Variants in CDK14 observed in about 807,000 individuals in gnomAD.
CDK14 encodes cyclin dependent kinase 14.
Under a neutral mutation model 60.7 loss-of-function variants are expected in CDK14, and 34 were observed. That is an observed-to-expected ratio of 0.56 (90% CI 0.43 to 0.75). CDK14 has a LOEUF of 0.75. Among genes scored for constraint, CDK14 ranks in the 30% least tolerant of loss-of-function variants. The pLI is 0.00. For synonymous variants in CDK14, 197 were observed against 203.7 expected, an observed-to-expected ratio of 0.97 and a Z score of 0.28; for missense variants, 482 against 564.1, an observed-to-expected ratio of 0.85 and a Z score of 1.47.
At chr7:90,602,546 C>A (rs1425647141) in intron 1 of CDK14, among the ~76,000 whole-genome samples, 2 of 152,070 alleles carry the variant, frequency 1.3e-5, no homozygotes, top group African/African-American at 4.8e-5. Context: ...TTATACAGAG[C>A]CTTGTAGCCT....
chr7:90,860,976 A>T lies in CDK14; in HGVS notation c.545-2199A>T, dbSNP rs147016783. Among the ~76,000 whole-genome samples the T allele has an allele frequency of 3.3e-5, 5 of 152,280 alleles. No homozygotes were observed. In the East Asian group the frequency reaches 9.7e-4, roughly 29 times the overall value. On this transcript the variant is annotated intron_variant, in intron 5 of 14. Coordinates refer to ENST00000380050, the MANE Select transcript of CDK14 (RefSeq NM_001287135.2). ...TGGGTTTTTAGAGGAGTAGATACCCAGAGGCCCTGTGTGGAAACTGAGTTT... is the reference window on the plus strand; with the variant it reads ...TGGGTTTTTAGAGGAGTAGATACCCTGAGGCCCTGTGTGGAAACTGAGTTT...
intron 10 of CDK14, among the ~76,000 whole-genome samples, chr7:90,993,769 G>T (rs576179449): frequency 2.7e-4 from 41 of 152,260 alleles, no homozygotes; most frequent in African/African-American, 9.9e-4. Flanking sequence ...TTTTATCTGA[G>T]ACATTATTAT....
At chr7:90,989,026 G>GTGTGTGTA (rs1795459443) in intron 10 of CDK14, among the ~76,000 whole-genome samples, 1 of 151,248 alleles carries the variant, frequency 6.6e-6, no homozygotes, top group South Asian at 2.1e-4. Flanking sequence ...GTGTGTGTGT[G>GTGTGTGTA]TAATGAGCCA....
chr7:91,030,168 G>A (rs1796721977), intron 10 of CDK14, among the ~76,000 whole-genome samples: 1 of 152,016 alleles, frequency 6.6e-6, no homozygotes, highest in Admixed American at 6.6e-5. Flanking sequence ...ATATACAGTT[G>A]CAAAAACTAT....
At chr7:90,638,130 A>T (rs867700351) in intron 2 of CDK14, among the ~76,000 whole-genome samples, 1 of 151,954 alleles carries the variant, frequency 6.6e-6, no homozygotes, top group Non-Finnish European at 1.5e-5. Context: ...GTCCATTTAC[A>T]TTTAAAGTTA....
At chr7:90,918,860 C>T (rs899351844) in intron 8 of CDK14, among the ~76,000 whole-genome samples, 8 of 151,874 alleles carry the variant, frequency 5.3e-5, no homozygotes, top group African/African-American at 1.2e-4. Context: ...TTCTTTTATT[C>T]GAAAAATGAA....
At chr7:91,005,634 T>A (rs974190403) in intron 10 of CDK14, among the ~76,000 whole-genome samples, 1 of 152,198 alleles carries the variant, frequency 6.6e-6, no homozygotes, top group Non-Finnish European at 1.5e-5. Context: ...ACAGCTGAAT[T>A]CCAATTCAGT....
chr7:90,722,821 G>C (rs1456859820), intron 2 of CDK14, among the ~76,000 whole-genome samples: 2 of 152,190 alleles, frequency 1.3e-5, no homozygotes, highest in Non-Finnish European at 2.9e-5. Flanking sequence ...AAGATGGAGA[G>C]AAAGCTGTAC....
At chr7:90,632,003 G>A (rs2116404321) in intron 2 of CDK14, 1 of 148,036 alleles carries the variant, frequency 6.8e-6, no homozygotes. Context: ...TCTCAGAATA[G>A]GGGATTAAAA....
chr7:91,067,225 C>G (rs867307725), intron 11 of CDK14, among the ~76,000 whole-genome samples: 1 of 152,096 alleles, frequency 6.6e-6, no homozygotes, highest in Non-Finnish European at 1.5e-5. Context: ...GTTTTTTCAT[C>G]TAATGGAACA....
chr7:91,066,240 T>C (rs1215015456), intron 11 of CDK14, among the ~76,000 whole-genome samples: 3 of 152,250 alleles, frequency 2.0e-5, no homozygotes, highest in Non-Finnish European at 2.9e-5. Context: ...ATTTATAAAC[T>C]AATGCTTGTT....
chr7:90,795,587 G>C (rs993858996), intron 5 of CDK14, among the ~76,000 whole-genome samples: 3 of 152,016 alleles, frequency 2.0e-5, no homozygotes, highest in Admixed American at 2.0e-4. Context: ...GTTATATAAA[G>C]AGGGTATTGG....
chr7:91,039,214 C>T (rs1797016327), intron 10 of CDK14, among the ~76,000 whole-genome samples: 1 of 152,134 alleles, frequency 6.6e-6, no homozygotes, highest in African/African-American at 2.4e-5. Flanking sequence ...GCTCATTACA[C>T]CCCTCATTGA....
chr7:90,755,549 A>G (rs1003805289), intron 4 of CDK14, among the ~76,000 whole-genome samples: 2 of 152,168 alleles, frequency 1.3e-5, no homozygotes, highest in Non-Finnish European at 2.9e-5. Flanking sequence ...TTCATATCCC[A>G]TACCTCAGAA....
chr7:90,912,927 T>C (rs374140571), intron 7 of CDK14, among the ~76,000 whole-genome samples: 3 of 152,194 alleles, frequency 2.0e-5, no homozygotes, highest in East Asian at 3.8e-4. Flanking sequence ...AAGCTATTTA[T>C]ATAAAATTAT....
intron 10 of CDK14, among the ~76,000 whole-genome samples, chr7:91,035,936 C>T (rs705348): frequency 0.44 from 66,044 of 149,822 alleles, 15,963 homozygotes; most frequent in East Asian, 0.88. Context: ...CTCTGCTTCC[C>T]GGGTTCACGC....
chr7:91,010,335 T>C (rs1796114911), intron 10 of CDK14, among the ~76,000 whole-genome samples: 1 of 152,110 alleles, frequency 6.6e-6, no homozygotes, highest in South Asian at 2.1e-4. Flanking sequence ...TTATATTGAA[T>C]TTATAGATCA....
chr7:90,617,333 C>T (rs750366713), intron 2 of CDK14, among the ~76,000 whole-genome samples: 17 of 152,010 alleles, frequency 1.1e-4, no homozygotes, highest in South Asian at 2.1e-4. Flanking sequence ...CGCTGCCTCC[C>T]AGGAGAAGGG....
At chr7:90,802,063 AGACT>A in intron 5 of CDK14, among the ~76,000 whole-genome samples, 1 of 152,266 alleles carries the variant, frequency 6.6e-6, no homozygotes, top group South Asian at 2.1e-4. Context: ...CTTCTTTAAT[AGACT>A]GGAGGGCTGT....
Sources: gnomAD v4.1 joint callset for allele counts (sites outside exome capture counted in the v4.1 genomes callset) on GRCh38, gnomAD v4.1.1 for gene constraint, MANE v1.5 for transcripts, NCBI Gene and HGNC (gene_info 2026-07-23, HGNC 2026-07-21) for gene names.